RIC1: variants seen among roughly 807,000 people sequenced by gnomAD.
RIC1 encodes the protein RIC1 partner of RAB6A GEF complex, also known as guanine nucleotide exchange factor subunit RIC1.
A neutral mutation model predicts 169.0 loss-of-function variants in RIC1; 88 were observed. The ratio of observed to expected loss-of-function variants is 0.52; its 90% confidence interval spans 0.44 to 0.62. RIC1 has a LOEUF of 0.62. Among genes scored for constraint, RIC1 ranks in the 20% least tolerant of loss-of-function variants. The probability of loss-of-function intolerance (pLI) is 0.00; values close to 1 mark genes in which losing one functional copy is unlikely to be tolerated. For missense variants in RIC1, 1,877 were observed against 1,725.5 expected (o/e 1.09, Z -1.56); for synonymous variants, 790 against 601.5 (o/e 1.31, Z -4.59).
Position 5,657,938 on chromosome 9 carries a change from C to G in RIC1, c.252+1248C>G, listed in dbSNP as rs1284044185. ...TTTTACTGGGGCACGAAAATCCTCA[C>G]TGATTTATGTATTGTCTGTAACTTC... On this transcript the variant is annotated intron_variant, in intron 2 of 25. Coordinates refer to ENST00000414202, the MANE Select transcript of RIC1 (RefSeq NM_020829.4). Among the ~76,000 whole-genome samples the G allele has an allele frequency of 2.0e-5, 3 of 152,106 alleles. No individual in the cohort carries two copies. The East Asian group carries it at 5.8e-4, about 29-fold the overall frequency.
At chr9:5,719,856 C>T (rs1354544854) in intron 4 of RIC1, among the ~76,000 whole-genome samples, 1 of 152,122 alleles carries the variant, frequency 6.6e-6, no homozygotes, top group Non-Finnish European at 1.5e-5. Context: ...TGGGTTTATT[C>T]ATTTTATGGT....
downstream of RIC1, chr9:5,776,566 T>C (rs1048105621): frequency 6.6e-6 from 1 of 152,128 alleles, no homozygotes; most frequent in African/African-American, 2.4e-5. Flanking sequence ...AACTTTGGTT[T>C]ATTCATCATC....
intron 12 of RIC1, among the ~76,000 whole-genome samples, chr9:5,748,308 G>T (rs1318716778): frequency 6.6e-6 from 1 of 151,902 alleles, no homozygotes; most frequent in Non-Finnish European, 1.5e-5. Flanking sequence ...CTCTCTATAT[G>T]TTTACCCTAC....
At chr9:5,760,956 T>C (rs368067134) in intron 17 of RIC1, among the ~76,000 whole-genome samples, 7 of 152,106 alleles carry the variant, frequency 4.6e-5, no homozygotes, top group African/African-American at 1.4e-4. Flanking sequence ...TGAAATTCTT[T>C]CCTTCTGTTT....
intron 3 of RIC1, among the ~76,000 whole-genome samples, chr9:5,706,954 C>T (rs1822628276): frequency 6.6e-6 from 1 of 152,158 alleles, no homozygotes; most frequent in South Asian, 2.1e-4. Flanking sequence ...ATCCATCCTT[C>T]TGCCAGCTCT....
intron 2 of RIC1, among the ~76,000 whole-genome samples, chr9:5,659,753 T>A (rs1255231310): frequency 1.3e-5 from 2 of 152,222 alleles, no homozygotes; most frequent in East Asian, 3.8e-4. Context: ...TTTTAAGTTT[T>A]AAATTTCTTT....
intron 2 of RIC1, among the ~76,000 whole-genome samples, chr9:5,677,666 G>A (rs974819120): frequency 6.6e-6 from 1 of 151,744 alleles, no homozygotes; most frequent in African/African-American, 2.4e-5. Flanking sequence ...GTAGGCCTTT[G>A]TATTTCCATA....
At chr9:5,740,298 G>C (rs1380943180) in intron 8 of RIC1, among the ~76,000 whole-genome samples, 2 of 151,992 alleles carry the variant, frequency 1.3e-5, no homozygotes, top group African/African-American at 2.4e-5. Flanking sequence ...ATTAGAAATA[G>C]AGTCCTTAGC....
intron 1 of RIC1, among the ~76,000 whole-genome samples, chr9:5,631,261 C>G (rs1341967634): frequency 6.6e-6 from 1 of 152,182 alleles, no homozygotes; most frequent in Non-Finnish European, 1.5e-5. Flanking sequence ...TCACATGCAA[C>G]TTCCTTTTTC....
intron 6 of RIC1, among the ~76,000 whole-genome samples, chr9:5,721,957 C>T (rs189066716): frequency 4.0e-4 from 60 of 150,650 alleles, no homozygotes; most frequent in African/African-American, 1.4e-3. Context: ...GGCACGATCT[C>T]GGCTCACCAC....
At chr9:5,653,530 G>T (rs1185411203) in intron 1 of RIC1, among the ~76,000 whole-genome samples, 1 of 152,162 alleles carries the variant, frequency 6.6e-6, no homozygotes, top group Non-Finnish European at 1.5e-5. Flanking sequence ...CTGACATATT[G>T]TGACAGTATT....
At chr9:5,758,974 A>G (rs1051013647) in intron 17 of RIC1, among the ~76,000 whole-genome samples, 2 of 151,292 alleles carry the variant, frequency 1.3e-5, no homozygotes, top group African/African-American at 4.9e-5. Flanking sequence ...CAATCTCTTG[A>G]CCTCATGATC....
chr9:5,686,620 A>G (rs1330281492), intron 2 of RIC1, among the ~76,000 whole-genome samples: 1 of 108,710 alleles, frequency 9.2e-6, no homozygotes, highest in Non-Finnish European at 1.7e-5. Context: ...CACTCTGGGG[A>G]CTGTGGTGGG....
chr9:5,736,187 A>G (rs1477148837), intron 7 of RIC1, among the ~76,000 whole-genome samples: 1 of 152,252 alleles, frequency 6.6e-6, no homozygotes, highest in Non-Finnish European at 1.5e-5. Context: ...ATGCAAAGCA[A>G]AAACAAACAC....
intron 3 of RIC1, among the ~76,000 whole-genome samples, chr9:5,694,319 T>C (rs1821764695): frequency 6.7e-6 from 1 of 149,688 alleles, no homozygotes. Flanking sequence ...TTTTTGCTAA[T>C]ATGTTGTGAG....
intron 2 of RIC1, among the ~76,000 whole-genome samples, chr9:5,665,534 T>G (rs1819701983): frequency 6.6e-6 from 1 of 152,190 alleles, no homozygotes; most frequent in South Asian, 2.1e-4. Flanking sequence ...TTTTTTGAGT[T>G]TTTAGCATTT....
Position 5,630,479 on chromosome 9 carries a change from C to T in RIC1, c.144+1026C>T, listed in dbSNP as rs561558138. Among the ~76,000 whole-genome samples, 3 of 152,246 alleles carry T rather than the reference C, an allele frequency of 2.0e-5. No homozygotes were observed. The East Asian group carries it at 5.8e-4, about 29-fold the overall frequency. ...ACTGGTTTTAGTTTGTTAAAATCCC[C>T]AAATCTTTGTGTGTTGCTGTTCCAT... is the stretch of plus-strand genomic sequence containing the variant. On this transcript the variant is annotated intron_variant, in intron 1 of 25. Coordinates refer to ENST00000414202, the MANE Select transcript of RIC1 (RefSeq NM_020829.4).
intron 3 of RIC1, among the ~76,000 whole-genome samples, chr9:5,692,349 C>G (rs1000121641): frequency 1.3e-4 from 20 of 151,968 alleles, no homozygotes; most frequent in Admixed American, 5.2e-4. Flanking sequence ...TAAATGAGAT[C>G]ATTCATATTT....
intron 2 of RIC1, among the ~76,000 whole-genome samples, chr9:5,678,622 G>A (rs957690977): frequency 5.9e-5 from 9 of 152,022 alleles, no homozygotes; most frequent in Non-Finnish European, 1.2e-4. Context: ...TTTTTCATGT[G>A]TTTTTTGGCT....
Sources: gnomAD v4.1 joint callset for allele counts (sites outside exome capture counted in the v4.1 genomes callset) on GRCh38, gnomAD v4.1.1 for gene constraint, MANE v1.5 for transcripts, NCBI Gene and HGNC (gene_info 2026-07-23, HGNC 2026-07-21) for gene names.